Variants in NAV2 observed in about 807,000 individuals in gnomAD.
The protein encoded by NAV2 is neuron navigator 2.
Under a neutral mutation model 223.2 loss-of-function variants are expected in NAV2, and 54 were observed. The ratio of observed to expected loss-of-function variants is 0.24; its 90% confidence interval spans 0.19 to 0.30. NAV2 has a LOEUF of 0.30. NAV2 is among the 10% of genes least tolerant of loss of function. The pLI is 1.00. For synonymous variants in NAV2, 1,279 were observed against 1,239.3 expected, an observed-to-expected ratio of 1.03 and a Z score of -0.67; for missense variants, 2,806 against 3,147.5, an observed-to-expected ratio of 0.89 and a Z score of 2.60.
intron 2 of NAV2, among the ~76,000 whole-genome samples, chr11:19,833,745 A>C (rs1013375872): frequency 2.6e-5 from 4 of 152,078 alleles, no homozygotes; most frequent in African/African-American, 7.2e-5. Context: ...TTGCATTCTC[A>C]TCTGGAGGCT....
chr11:19,658,685 G>A (rs2048191515), intron 1 of NAV2, among the ~76,000 whole-genome samples: 1 of 152,196 alleles, frequency 6.6e-6, no homozygotes, highest in Admixed American at 6.5e-5. Context: ...ACTGGCTCAT[G>A]AGAACTAATT....
At chr11:20,056,498 T>C (rs765967290) in intron 19 of NAV2, 3 of 1,439,998 alleles carry the variant, frequency 2.1e-6, no homozygotes, top group Admixed American at 3.3e-5. Context: ...ATATTTGGGG[T>C]TGGATTTTTA....
chr11:20,026,557 G>A lies in NAV2; in HGVS notation c.2769-9402G>A, dbSNP rs545084478. 9.2e-5 allele frequency among the ~76,000 whole-genome samples: 14 copies of A among 152,226 alleles called. No individual in the cohort carries two copies. The East Asian group carries it at 1.6e-3, about 17-fold the overall frequency. Reference sequence around the variant, plus strand: ...GATCTCCTGACCTCGTGATCCACCCGCCTCGGCCTCCCAAAGTGCCGGGAT... The same window carrying A: ...GATCTCCTGACCTCGTGATCCACCCACCTCGGCCTCCCAAAGTGCCGGGAT... On this transcript the variant is annotated intron_variant, in intron 11 of 37. Coordinates refer to ENST00000349880, the MANE Select transcript of NAV2 (RefSeq NM_145117.5).
At chr11:19,428,372 C>T (rs1850917674) in intron 1 of NAV2, among the ~76,000 whole-genome samples, 1 of 152,166 alleles carries the variant, frequency 6.6e-6, no homozygotes, top group South Asian at 2.1e-4. Flanking sequence ...ATTTTGCCAG[C>T]TGCAAAGTGG....
intron 6 of NAV2, among the ~76,000 whole-genome samples, chr11:19,894,388 G>A (rs973576502): frequency 4.6e-5 from 7 of 152,180 alleles, no homozygotes; most frequent in Non-Finnish European, 7.3e-5. Context: ...CTCTCCTCGC[G>A]GGCCAGTCTG....
chr11:19,347,059 A>G (rs562705644), upstream of NAV2, among the ~76,000 whole-genome samples: 296 of 152,298 alleles, frequency 1.9e-3, 1 homozygote, highest in Admixed American at 3.7e-3. Context: ...TTTAAAAAAC[A>G]GTTTCCCCAG....
chr11:19,652,112 T>G (rs1266884446), intron 1 of NAV2, among the ~76,000 whole-genome samples: 2 of 152,140 alleles, frequency 1.3e-5, no homozygotes, highest in African/African-American at 4.8e-5. Flanking sequence ...ATCCAAGATA[T>G]TAACCAATTA....
chr11:19,837,290 C>T (rs1007136404), intron 2 of NAV2, among the ~76,000 whole-genome samples: 2 of 152,142 alleles, frequency 1.3e-5, no homozygotes, highest in Non-Finnish European at 2.9e-5. Context: ...GGGCTGGACT[C>T]TACAGGAGAA....
Position 19,923,979 on chromosome 11 carries a change from A to G in NAV2, c.932-9197A>G, listed in dbSNP as rs140763063. Among the ~76,000 whole-genome samples the G allele has an allele frequency of 3.3e-3, 500 of 152,338 alleles. 4 individuals carry two copies. The highest frequency in any genetic ancestry group is 0.012 in the African/African-American group (479 of 41,576). On this transcript the variant is annotated intron_variant, in intron 6 of 37. Transcript: ENST00000349880. Reference sequence around the variant, plus strand: ...AGGCATGTCTTATATTTTTAAAGGTATCTTCCTTCAGACACCAGCAAATGA... The same window carrying G: ...AGGCATGTCTTATATTTTTAAAGGTGTCTTCCTTCAGACACCAGCAAATGA...
chr11:19,824,836 G>A (rs906521152), intron 1 of NAV2, among the ~76,000 whole-genome samples: 11 of 152,176 alleles, frequency 7.2e-5, no homozygotes, highest in Non-Finnish European at 1.3e-4. Flanking sequence ...AACAAATGGT[G>A]CATTTCGATT....
intron 20 of NAV2, among the ~76,000 whole-genome samples, chr11:20,064,381 G>T (rs1393770760): frequency 6.6e-6 from 1 of 152,172 alleles, no homozygotes; most frequent in Non-Finnish European, 1.5e-5. Context: ...TGGGACTCTA[G>T]CTTCACAGGA....
chr11:19,883,840 T>C (rs1478815864), intron 5 of NAV2, among the ~76,000 whole-genome samples: 1 of 152,172 alleles, frequency 6.6e-6, no homozygotes, highest in Non-Finnish European at 1.5e-5. Flanking sequence ...GCCAGCAACA[T>C]CTGGGTATAG....
At chr11:19,364,513 G>A (rs886275674) in intron 1 of NAV2, among the ~76,000 whole-genome samples, 2 of 152,182 alleles carry the variant, frequency 1.3e-5, no homozygotes, top group Non-Finnish European at 2.9e-5. Flanking sequence ...CTCTGTCTCT[G>A]TCTTCCAATT....
intron 1 of NAV2, among the ~76,000 whole-genome samples, chr11:19,498,040 G>A (rs906104799): frequency 3.9e-5 from 6 of 152,190 alleles, no homozygotes; most frequent in Non-Finnish European, 7.3e-5. Context: ...GAAGTTAAGT[G>A]ACTTGCACGA....
intron 11 of NAV2, among the ~76,000 whole-genome samples, chr11:20,031,994 T>C (rs1289488378): frequency 6.6e-6 from 1 of 152,176 alleles, no homozygotes; most frequent in Non-Finnish European, 1.5e-5. Context: ...GCAAACTCAC[T>C]GAACTAATCT....
chr11:20,070,821 G>T (rs537356618), intron 22 of NAV2, among the ~76,000 whole-genome samples: 11 of 152,218 alleles, frequency 7.2e-5, no homozygotes, highest in African/African-American at 2.4e-4. Context: ...TTTCATAGTT[G>T]TGCTAATGAC....
chr11:19,696,510 G>A (rs955277489), intron 1 of NAV2, among the ~76,000 whole-genome samples: 3 of 152,122 alleles, frequency 2.0e-5, no homozygotes, highest in Non-Finnish European at 4.4e-5. Flanking sequence ...AATATCAACC[G>A]TATTTACTAA....
chr11:19,417,267 A>G (rs564014205), intron 1 of NAV2, among the ~76,000 whole-genome samples: 25 of 152,356 alleles, frequency 1.6e-4, no homozygotes, highest in African/African-American at 6.0e-4. Flanking sequence ...ACACAACCCC[A>G]TCAAAAAGTG....
intron 11 of NAV2, among the ~76,000 whole-genome samples, chr11:19,999,317 A>G (rs1398440762): frequency 6.6e-6 from 1 of 152,238 alleles, no homozygotes; most frequent in East Asian, 1.9e-4. Context: ...ATGTTCAGGA[A>G]CTTCTCTTGT....
Sources: gnomAD v4.1 joint callset for allele counts (sites outside exome capture counted in the v4.1 genomes callset) on GRCh38, gnomAD v4.1.1 for gene constraint, MANE v1.5 for transcripts, NCBI Gene and HGNC (gene_info 2026-07-23, HGNC 2026-07-21) for gene names.